Variants in ASTN1 observed in about 807,000 individuals in gnomAD.
The protein encoded by ASTN1 is astrotactin 1.
Under a neutral mutation model 140.7 loss-of-function variants are expected in ASTN1, and 41 were observed. The ratio of observed to expected loss-of-function variants is 0.29; its 90% confidence interval spans 0.23 to 0.38. ASTN1 has a LOEUF of 0.38. Ranked by LOEUF, ASTN1 falls within the 10% of genes least tolerant of loss-of-function variation. The pLI is 1.00. For missense variants in ASTN1, 1,479 were observed against 1,678.8 expected (o/e 0.88, Z 2.08); for synonymous variants, 640 against 652.2 (o/e 0.98, Z 0.29).
chr1:176,870,989 A>G (rs1002854856), intron 21 of ASTN1, among the ~76,000 whole-genome samples: 2 of 152,198 alleles, frequency 1.3e-5, no homozygotes, highest in African/African-American at 4.8e-5. Flanking sequence ...TCACACTGCC[A>G]GGGTGAGATG....
chr1:176,942,192 T>C (rs1212116715), intron 14 of ASTN1, among the ~76,000 whole-genome samples: 1 of 152,210 alleles, frequency 6.6e-6, no homozygotes, highest in Non-Finnish European at 1.5e-5. Flanking sequence ...CAGGAACTGT[T>C]CTAAAAACTT....
intron 2 of ASTN1, among the ~76,000 whole-genome samples, chr1:177,057,243 G>A (rs551546701): frequency 8.5e-5 from 13 of 152,238 alleles, no homozygotes; most frequent in East Asian, 5.8e-4. Context: ...TTAAATTGCC[G>A]AGCTCCCAGC....
intron 1 of ASTN1, among the ~76,000 whole-genome samples, chr1:177,124,485 G>A (rs1455664231): frequency 1.3e-5 from 2 of 152,170 alleles, no homozygotes; most frequent in African/African-American, 2.4e-5. Flanking sequence ...TAGTAAGGGC[G>A]TGAGTGTGAG....
At chr1:177,078,901 A>C (rs1463474448) in intron 1 of ASTN1, among the ~76,000 whole-genome samples, 1 of 152,204 alleles carries the variant, frequency 6.6e-6, no homozygotes, top group Non-Finnish European at 1.5e-5. Flanking sequence ...GAATTTGATA[A>C]AATATCCTAC....
At chr1:176,951,355 C>G (rs943467374) in intron 11 of ASTN1, among the ~76,000 whole-genome samples, 6 of 152,196 alleles carry the variant, frequency 3.9e-5, no homozygotes, top group Non-Finnish European at 5.9e-5. Context: ...GTGCGGCTGC[C>G]CAGGCATGGA....
rs563370207 is a variant in ASTN1 at position 176,877,588 on chromosome 1, T to C, written c.3363-951A>G. 2.0e-5 allele frequency among the ~76,000 whole-genome samples: 3 copies of C among 152,270 alleles called. No homozygotes were observed. In the East Asian group the frequency reaches 5.8e-4, roughly 29 times the overall value. ...TTTCCCCTTGGGTGATGGAGCTAGA[T>C]GGAGAGGAAGAAGAGGAATTCTAGG... On this transcript the variant is annotated intron_variant, in intron 20 of 22. Transcript: ENST00000361833.
At chr1:177,080,546 A>G (rs942463799) in intron 1 of ASTN1, among the ~76,000 whole-genome samples, 3 of 152,224 alleles carry the variant, frequency 2.0e-5, no homozygotes, top group African/African-American at 7.2e-5. Context: ...GTATTTGTGA[A>G]TATGAAGAAT....
intron 1 of ASTN1, among the ~76,000 whole-genome samples, chr1:177,112,832 G>A (rs1680886631): frequency 6.6e-6 from 1 of 152,096 alleles, no homozygotes; most frequent in South Asian, 2.1e-4. Context: ...AAGTCAGTCT[G>A]TTATGCCCAG....
chr1:176,870,549 A>G (rs1047707899), intron 21 of ASTN1, among the ~76,000 whole-genome samples: 3 of 152,226 alleles, frequency 2.0e-5, no homozygotes, highest in Non-Finnish European at 4.4e-5. Flanking sequence ...AGGCCAGACA[A>G]TCTAGTAGAT....
intron 7 of ASTN1, among the ~76,000 whole-genome samples, chr1:177,015,648 C>T (rs1391401903): frequency 6.6e-6 from 1 of 152,174 alleles, no homozygotes; most frequent in African/African-American, 2.4e-5. Context: ...TACCAAGGGA[C>T]CCATGAATCT....
chr1:177,054,044 T>C (rs961826415), intron 2 of ASTN1, among the ~76,000 whole-genome samples: 2 of 152,212 alleles, frequency 1.3e-5, no homozygotes, highest in Non-Finnish European at 1.5e-5. Flanking sequence ...GTTGGTGAAA[T>C]GACACATACT....
intron 7 of ASTN1, among the ~76,000 whole-genome samples, chr1:177,020,362 G>T (rs550583810): frequency 3.3e-5 from 5 of 152,142 alleles, no homozygotes; most frequent in Non-Finnish European, 7.3e-5. Flanking sequence ...GGAGGCACCC[G>T]GGAGAATCTA....
chr1:177,028,462 A>G (rs1357681101), intron 5 of ASTN1, among the ~76,000 whole-genome samples: 2 of 152,368 alleles, frequency 1.3e-5, no homozygotes, highest in South Asian at 2.1e-4. Flanking sequence ...ACTGGAATTT[A>G]TAATCAAAAG....
intron 1 of ASTN1, among the ~76,000 whole-genome samples, chr1:177,144,248 C>CA (rs1319297753): frequency 1.3e-5 from 2 of 149,706 alleles, no homozygotes; most frequent in African/African-American, 4.9e-5. Context: ...AAGTGGAACT[C>CA]AATGATTTTT....
chr1:177,029,879 G>A, intron 4 of ASTN1, 138 bp from the exon 5 acceptor site: 2 of 799,278 alleles, frequency 2.5e-6, no homozygotes, highest in South Asian at 1.8e-5. Flanking sequence ...AGCCAAGGGG[G>A]TTGGGGCTTC....
At chr1:176,900,268 G>A (rs950927886) in intron 16 of ASTN1, among the ~76,000 whole-genome samples, 1 of 152,156 alleles carries the variant, frequency 6.6e-6, no homozygotes, top group Non-Finnish European at 1.5e-5. Flanking sequence ...CAATATGCTT[G>A]CTTGGACATC....
chr1:177,066,847 G>T (rs1034461281), intron 1 of ASTN1, among the ~76,000 whole-genome samples: 19 of 152,152 alleles, frequency 1.2e-4, no homozygotes, highest in African/African-American at 4.6e-4. Context: ...CTCCTAGCAA[G>T]GCTGAGTGCA....
chr1:176,884,253 A>G, intron 19 of ASTN1, 86 bp downstream of exon 19: 1 of 1,489,776 alleles, frequency 6.7e-7, no homozygotes, highest in East Asian at 2.3e-5. Context: ...GGGGACCTGG[A>G]GCAAAGCCAT....
At chr1:177,047,645 G>GA (rs1391994720) in intron 2 of ASTN1, among the ~76,000 whole-genome samples, 1 of 152,172 alleles carries the variant, frequency 6.6e-6, no homozygotes, top group Non-Finnish European at 1.5e-5. Context: ...AGTGAGAGGT[G>GA]AGGGGGGTCT....
Sources: allele counts gnomAD v4.1 joint callset (sites outside exome capture counted in the v4.1 genomes callset), GRCh38; gene constraint gnomAD v4.1.1; transcripts MANE v1.5; gene names NCBI Gene and HGNC (gene_info 2026-07-23, HGNC 2026-07-21).